Variants in FBXO11 observed in about 807,000 individuals in gnomAD.
FBXO11 encodes the protein F-box only protein 11.
A neutral mutation model predicts 117.0 loss-of-function variants in FBXO11; 13 were observed. The ratio of observed to expected loss-of-function variants is 0.11; its 90% CI spans 0.07 to 0.18. The LOEUF (loss-of-function observed/expected upper bound fraction) is 0.18, where lower values mean the gene tolerates loss of function less well. FBXO11 is among the 10% of genes least tolerant of loss of function. The pLI is 1.00. For missense variants in FBXO11, 767 were observed against 1,164.4 expected (o/e 0.66, Z 4.97); for synonymous variants, 490 against 380.5 (o/e 1.29, Z -3.35).
chr2:47,835,476 A>C (rs1672482348), intron 5 of FBXO11, among the ~76,000 whole-genome samples: 1 of 152,150 alleles, frequency 6.6e-6, no homozygotes, highest in Non-Finnish European at 1.5e-5. Flanking sequence ...GTTGGTTGAT[A>C]AATGTTCATT....
At chr2:47,887,362 A>G (rs565375862) in intron 1 of FBXO11, among the ~76,000 whole-genome samples, 28 of 151,604 alleles carry the variant, frequency 1.8e-4, no homozygotes, top group Non-Finnish European at 3.7e-4. Context: ...CAAAAGAACC[A>G]ACACAAAAGA....
Position 47,813,728 on chromosome 2 carries a change from C to A in FBXO11, c.2083+63G>T, listed in dbSNP as rs72876837. On this transcript the variant is annotated intron_variant, in intron 17 of 22. Coordinates refer to ENST00000403359, the MANE Select transcript of FBXO11 (RefSeq NM_001190274.2). ...GATTACAGGCGTGAGCCACCGTGCC[C>A]GGCCTAGAAGGTGTATTTCTAAAGT... 1.9e-3 allele frequency: 2,618 copies of A among 1,401,688 alleles called. 43 individuals are homozygous for A. The African/African-American group carries it at 0.033, about 18-fold the overall frequency. The allele number at this position is 1,401,688 out of a possible 1,614,324, so 86.8% of individuals were successfully genotyped here.
At chr2:47,827,258 C>T (rs898673161) in intron 11 of FBXO11, among the ~76,000 whole-genome samples, 1 of 152,120 alleles carries the variant, frequency 6.6e-6, no homozygotes, top group Non-Finnish European at 1.5e-5. Context: ...TGCAAGAAAA[C>T]TTATTTTTAT....
At chr2:47,900,993 T>C (rs1678203549) in intron 1 of FBXO11, among the ~76,000 whole-genome samples, 1 of 142,802 alleles carries the variant, frequency 7.0e-6, no homozygotes, top group African/African-American at 2.5e-5. Context: ...ACATAAAATA[T>C]TGCCGGTGGG....
intron 11 of FBXO11, among the ~76,000 whole-genome samples, chr2:47,823,984 C>T (rs1357747831): frequency 1.3e-5 from 2 of 152,074 alleles, no homozygotes; most frequent in African/African-American, 4.8e-5. Context: ...GAAAGGCACA[C>T]ACCACCATGC....
intron 1 of FBXO11, among the ~76,000 whole-genome samples, chr2:47,872,604 G>T (rs190293627): frequency 9.9e-5 from 15 of 152,176 alleles, no homozygotes; most frequent in African/African-American, 3.1e-4. Context: ...GATTACAGGC[G>T]TGAGCCACCG....
intron 5 of FBXO11, among the ~76,000 whole-genome samples, chr2:47,835,408 T>C (rs1176818842): frequency 6.6e-6 from 1 of 152,252 alleles, no homozygotes; most frequent in South Asian, 2.1e-4. Flanking sequence ...TAATGCTTAC[T>C]GTACTAACTT....
intron 16 of FBXO11, chr2:47,814,250 G>A (rs952548303): frequency 5.3e-6 from 1 of 187,864 alleles, no homozygotes; most frequent in Non-Finnish European, 1.1e-5. Context: ...CAATTTTTTG[G>A]TTTACATTAT....
At chr2:47,892,481 C>T (rs1677329095) in intron 1 of FBXO11, among the ~76,000 whole-genome samples, 1 of 152,162 alleles carries the variant, frequency 6.6e-6, no homozygotes, top group Non-Finnish European at 1.5e-5. Flanking sequence ...TCTTCCAGCT[C>T]AGTTTTTCAA....
intron 1 of FBXO11, among the ~76,000 whole-genome samples, chr2:47,859,349 T>C (rs1674575819): frequency 6.6e-6 from 1 of 152,144 alleles, no homozygotes; most frequent in East Asian, 1.9e-4. Flanking sequence ...TGTGCCAAAG[T>C]CAATGGTTCG....
chr2:47,883,721 A>G, intron 1 of FBXO11: 1 of 264,006 alleles, frequency 3.8e-6, no homozygotes, highest in Non-Finnish European at 7.7e-6. Context: ...AAGAAGAATA[A>G]GCACGAGAGA....
chr2:47,836,770 T>TA (rs1313063977), intron 4 of FBXO11, among the ~76,000 whole-genome samples: 12 of 152,214 alleles, frequency 7.9e-5, no homozygotes, highest in African/African-American at 2.9e-4. Context: ...GATTATCACT[T>TA]AAAAAGATAA....
chr2:47,825,883 T>C, intron 11 of FBXO11, among the ~76,000 whole-genome samples: 1 of 150,906 alleles, frequency 6.6e-6, no homozygotes, highest in East Asian at 2.0e-4. Context: ...GGCCGACAAA[T>C]CTGACTGGTA....
At position 47,839,425 on chromosome 2, in the gene FBXO11, G is replaced by T; in HGVS notation, c.436C>A (p.Leu146Ile). 6.2e-7 allele frequency: 1 copy of T among 1,612,338 alleles called. No homozygotes were observed. The highest frequency in any genetic ancestry group is 8.5e-7 in the Non-Finnish European group (1 of 1,179,530). ...ACTTTCCCACAGGAAATACCTGATA[G>T]ATCTTGTGATTTTCCAGACACTCTT... Reference protein sequence around the residue: ...RARVSGKSQDLSAAPAEQYLQ... With the variant: ...RARVSGKSQDISAAPAEQYLQ... The change falls in exon 3 of 23, where the codon CTA (leucine) becomes ATA (isoleucine). Residue 146 changes from leucine to isoleucine, a missense_variant. Coordinates refer to ENST00000403359, the MANE Select transcript of FBXO11 (RefSeq NM_001190274.2).
intron 1 of FBXO11, among the ~76,000 whole-genome samples, chr2:47,893,429 A>T (rs1371211418): frequency 6.6e-6 from 1 of 152,182 alleles, no homozygotes; most frequent in Non-Finnish European, 1.5e-5. Flanking sequence ...AGAAATATGT[A>T]TGTATCTTAT....
intron 21 of FBXO11, 63 bp downstream of exon 21, chr2:47,809,095 T>G (rs189010845): frequency 1.9e-6 from 2 of 1,029,754 alleles, no homozygotes; most frequent in African/African-American, 3.3e-5. Flanking sequence ...ATGCTAGGCA[T>G]TGCTAATTTA....
rs554037117 is a variant in FBXO11, at chr2:47,895,575, C to A, written c.232+9914G>T. Among the ~76,000 whole-genome samples the A allele has an allele frequency of 4.6e-5, 7 of 152,308 alleles. No individual in the cohort carries two copies. The South Asian group carries it at 1.4e-3, about 32-fold the overall frequency. On this transcript the variant is annotated intron_variant, in intron 1 of 22. Transcript: ENST00000403359. ...CTTGCTGTAGGTATTTTTGGTTACA[C>A]AGATGTGTTTACTTCAGGAAAAGTA...
At chr2:47,809,880 T>C (rs935096877) in intron 19 of FBXO11, 173 bp from the exon 20 acceptor site, 3 of 546,404 alleles carry the variant, frequency 5.5e-6, no homozygotes, top group South Asian at 5.1e-5. Flanking sequence ...CATTCACTTA[T>C]CAATGACTAT....
rs1235495664 is a variant in FBXO11 at position 47,905,160 on chromosome 2, C to T, written c.232+329G>A. On this transcript the variant is annotated intron_variant, in intron 1 of 22. Coordinates refer to ENST00000403359, the MANE Select transcript of FBXO11 (RefSeq NM_001190274.2). ...GGGAGAAATCACGCCGCTCGCCTTC[C>T]CCCCGGCCACCAACAGACTCCCGCG... 6 of 191,240 alleles carry T rather than the reference C, an allele frequency of 3.1e-5. No homozygotes were observed. The South Asian group carries it at 1.2e-3, about 37-fold the overall frequency. The allele number at this position is 191,240 out of a possible 1,614,324, so 11.8% of individuals were successfully genotyped here. A position where few individuals can be genotyped will look rare whatever the true frequency, so the allele number is the denominator to read the frequency against.
Sources: gnomAD v4.1 joint callset for allele counts (sites outside exome capture counted in the v4.1 genomes callset) on GRCh38, gnomAD v4.1.1 for gene constraint, MANE v1.5 for transcripts, NCBI Gene and HGNC (gene_info 2026-07-23, HGNC 2026-07-21) for gene names.